The following ICE1 variants were observed in gnomAD, a reference collection of about 807,000 sequenced individuals.
ICE1 encodes the protein little elongation complex subunit 1.
A neutral mutation model predicts 192.7 loss-of-function variants in ICE1; 64 were observed. The ratio of observed to expected loss-of-function variants is 0.33; its 90% confidence interval spans 0.27 to 0.41. The LOEUF (loss-of-function observed/expected upper bound fraction) is 0.41, where lower values mean the gene tolerates loss of function less well. Ranked by LOEUF, ICE1 falls within the 10% of genes least tolerant of loss-of-function variation. The pLI is 1.00. For missense variants in ICE1, 2,708 were observed against 2,696.0 expected (o/e 1.00, Z -0.10); for synonymous variants, 1,010 against 984.5 (o/e 1.03, Z -0.49).
chr5:5,444,405 T>A, intron 7 of ICE1, 79 bp downstream of exon 7: 1 of 972,778 alleles, frequency 1.0e-6, no homozygotes, highest in East Asian at 2.6e-5. Flanking sequence ...TACTTCTTGA[T>A]CAAATAGTTG....
chr5:5,462,479 T>C lies in ICE1; in HGVS notation c.3145T>C (p.Trp1049Arg), dbSNP rs753681286. 3.1e-6 allele frequency: 5 copies of C among 1,613,920 alleles called. No individual in the cohort carries two copies. The highest frequency in any genetic ancestry group is 4.2e-6 in the Non-Finnish European group (5 of 1,179,910). The change falls in exon 13 of 19, where the codon TGG becomes CGG. Residue 1049 changes from tryptophan to arginine, a missense_variant. Transcript: ENST00000296564. Reference sequence around the variant, plus strand: ...CACACCACAAAATGCTAATGGACTTTGGAAATTGAAATCTACAACTCCCGG... The same window carrying C: ...CACACCACAAAATGCTAATGGACTTCGGAAATTGAAATCTACAACTCCCGG... ...TSTPQNANGL[W>R]KLKSTTPGGA...
At chr5:5,423,044 C>G (rs568133058) in intron 1 of ICE1, 45 bp downstream of exon 1, 7 of 1,281,234 alleles carry the variant, frequency 5.5e-6, no homozygotes, top group Non-Finnish European at 7.0e-6. Context: ...GGACTCGGCT[C>G]GGCCGGCCGG....
At position 5,463,297 on chromosome 5, in the gene ICE1, A is replaced by G. The variant is rs200413397; in HGVS notation, c.3963A>G (p.Gln1321=). Residue 1321 remains glutamine (Q), a synonymous_variant, in exon 13 of 19, where the codon CAA becomes CAG. Coordinates refer to ENST00000296564, the MANE Select transcript of ICE1 (RefSeq NM_015325.3). ...CACATGCTTCAGAACCAACCCCACA[A>G]GCAGCTGCCTTGGACACTGAGGGCA... ...SSSHASEPTP[Q]AAALDTEGSS... is the part of the protein sequence containing the mutation. The G allele has an allele frequency of 2.5e-6, 4 of 1,613,686 alleles. No individual in the cohort carries two copies. In the South Asian group the frequency reaches 3.3e-5, roughly 13 times the overall value.
intron 17 of ICE1, among the ~76,000 whole-genome samples, chr5:5,482,468 A>T (rs1019050716): frequency 6.6e-6 from 1 of 152,214 alleles, no homozygotes; most frequent in African/African-American, 2.4e-5. Context: ...CAGGAAGAAT[A>T]AGCCCTTCTC....
At position 5,486,524 on chromosome 5, in the gene ICE1, ATTCT is replaced by A. The variant is rs199685672; in HGVS notation, c.6521-191_6521-188del. On this transcript the variant is annotated intron_variant, in intron 17 of 18. Transcript: ENST00000296564. ...GTTTCACATTGGCCCTACTGAAACC[ATTCT>A]TTCTTCTAAATTCTATTTATTCCAT... Among the ~76,000 whole-genome samples the A allele has an allele frequency of 6.0e-3, 911 of 152,334 alleles. 8 individuals carry two copies. Among genetic ancestry groups the A allele is most frequent in the African/African-American group, 0.021 (863 of 41,576 alleles).
At chr5:5,433,775 G>A (rs115113105) in intron 1 of ICE1, among the ~76,000 whole-genome samples, 1 of 152,166 alleles carries the variant, frequency 6.6e-6, no homozygotes, top group African/African-American at 2.4e-5. Context: ...ATGATTTAAC[G>A]CTTAACAGAT....
chr5:5,458,509 C>CCAGGGCAGGTTG (rs1285072463), intron 12 of ICE1, among the ~76,000 whole-genome samples: 1 of 152,146 alleles, frequency 6.6e-6, no homozygotes, highest in Non-Finnish European at 1.5e-5. Context: ...TGAATGGAGG[C>CCAGGGCAGGTTG]CAGGGCAGGT....
intron 1 of ICE1, among the ~76,000 whole-genome samples, chr5:5,423,461 A>G (rs1473242270): frequency 6.6e-6 from 1 of 152,126 alleles, no homozygotes; most frequent in Non-Finnish European, 1.5e-5. Flanking sequence ...CTTAGACTCG[A>G]AGAGTCTAGG....
In ICE1 at chr5:5,422,902, C is replaced by A; in HGVS notation, c.-14C>A. 3 of 1,381,608 alleles carry A rather than the reference C, an allele frequency of 2.2e-6. No homozygotes were observed. Among genetic ancestry groups the A allele is most frequent in the African/African-American group, 1.5e-5 (1 of 66,374 alleles). The allele number at this position is 1,381,608 out of a possible 1,614,324, so 85.6% of individuals were successfully genotyped here. On this transcript the variant is annotated 5_prime_UTR_variant, in exon 1 of 19. Transcript: ENST00000296564. Reference sequence around the variant, plus strand: ...CCTGAGGCGTGCGTGCCCACCGGGCCCGGCGGCGGCACCATGATGCCGGGC... The same window carrying A: ...CCTGAGGCGTGCGTGCCCACCGGGCACGGCGGCGGCACCATGATGCCGGGC...
intron 8 of ICE1, 98 bp downstream of exon 8, chr5:5,447,607 C>A (rs1738270016): frequency 1.8e-5 from 24 of 1,347,614 alleles, no homozygotes; most frequent in Non-Finnish European, 2.4e-5. Context: ...CAACATGAGG[C>A]CCCCTGGCAA....
At chr5:5,432,467 T>C (rs991888273) in intron 1 of ICE1, among the ~76,000 whole-genome samples, 6 of 152,348 alleles carry the variant, frequency 3.9e-5, no homozygotes, top group Admixed American at 2.0e-4. Context: ...TTTGGCTAGT[T>C]TGAAATAGTG....
rs1169201865 is a variant in ICE1 at position 5,429,753 on chromosome 5, C to T, written c.85-6665C>T. 3.1e-4 allele frequency among the ~76,000 whole-genome samples: 47 copies of T among 152,170 alleles called. 1 individual carries two copies. Among genetic ancestry groups the T allele is most frequent in the Admixed American group, 3.1e-3 (47 of 15,278 alleles). On this transcript the variant is annotated intron_variant, in intron 1 of 18. Transcript: ENST00000296564. ...CTTGCTCCTTGCCCTGTGTGCTCAG[C>T]CAGGTGTGATTCTACTTCCCCAAGA... is the stretch of plus-strand genomic sequence containing the variant.
At position 5,476,034 on chromosome 5, in the gene ICE1, G is replaced by A; in HGVS notation, c.6475G>A (p.Ala2159Thr). ...IKYRKGHANI[A>T]YTPDIIIASI... The stretch of plus-strand genomic sequence containing the variant: ...ATACAGAAAAGGACATGCAAACATT[G>A]CGTATACTCCTGATATTATTATAGC... Residue 2159 changes from alanine (A) to threonine (T), a missense_variant, in exon 17 of 19, where the codon GCG becomes ACG. Transcript: ENST00000296564. The A allele has an allele frequency of 6.2e-7, 1 of 1,610,946 alleles. No homozygotes were observed. The highest frequency in any genetic ancestry group is 8.5e-7 in the Non-Finnish European group (1 of 1,177,920).
chr5:5,432,788 G>A (rs553493427), intron 1 of ICE1, among the ~76,000 whole-genome samples: 3 of 151,934 alleles, frequency 2.0e-5, no homozygotes, highest in South Asian at 4.2e-4. Flanking sequence ...AACTTGTTTC[G>A]CAAATATAAT....
intron 10 of ICE1, among the ~76,000 whole-genome samples, chr5:5,450,346 C>T (rs11747005): frequency 6.6e-6 from 1 of 152,136 alleles, no homozygotes; most frequent in Non-Finnish European, 1.5e-5. Flanking sequence ...TAAGTTGATC[C>T]TAGAGACTGA....
At chr5:5,423,125 C>A in intron 1 of ICE1, 126 bp downstream of exon 1, 1 of 463,946 alleles carries the variant, frequency 2.2e-6, no homozygotes, top group Non-Finnish European at 3.5e-6. Context: ...CCAACCGTAG[C>A]TCTTGCTCGC....
intron 1 of ICE1, among the ~76,000 whole-genome samples, chr5:5,430,251 A>G (rs774180412): frequency 4.6e-5 from 7 of 152,304 alleles, no homozygotes; most frequent in Non-Finnish European, 7.4e-5. Context: ...TTCATTATTT[A>G]GAGGCCTTGG....
At chr5:5,440,850 A>G (rs2578556) in intron 4 of ICE1, among the ~76,000 whole-genome samples, 47,782 of 151,430 alleles carry the variant, frequency 0.32, 7,777 homozygotes, top group Non-Finnish European at 0.34. Context: ...TGGTGCCACT[A>G]TACTCCAGCC....
In ICE1 at chr5:5,478,338, CAT is replaced by C. The variant is rs573078214; in HGVS notation, c.6520+2260_6520+2261del. On this transcript the variant is annotated intron_variant, in intron 17 of 18. Coordinates refer to ENST00000296564, the MANE Select transcript of ICE1 (RefSeq NM_015325.3). ...GTAATAGACAAGCATAGAGCTAAATCATGTGTGAACTCCCATTCATAATTGCT... is the reference window on the plus strand; with the variant it reads ...GTAATAGACAAGCATAGAGCTAAATCGTGTGAACTCCCATTCATAATTGCT... Among the ~76,000 whole-genome samples, 271 of 152,274 alleles carry C rather than the reference CAT, an allele frequency of 1.8e-3. 2 individuals are homozygous for C. The highest frequency in any genetic ancestry group is 2.4e-3 in the Non-Finnish European group (163 of 68,010).
Sources: gnomAD v4.1 joint callset for allele counts (sites outside exome capture counted in the v4.1 genomes callset) on GRCh38, gnomAD v4.1.1 for gene constraint, MANE v1.5 for transcripts, NCBI Gene and HGNC (gene_info 2026-07-23, HGNC 2026-07-21) for gene names.